Variants in TBC1D5 observed in about 807,000 individuals in gnomAD.
TBC1D5 encodes TBC1 domain family member 5, also known as TBC1 domain family, member 5.
Under a neutral mutation model 100.3 loss-of-function variants are expected in TBC1D5, and 75 were observed. The observed-to-expected ratio is 0.75, with a 90% CI of 0.62 to 0.91. The LOEUF (loss-of-function observed/expected upper bound fraction) is 0.91. Among genes scored for constraint, TBC1D5 ranks in the 40% least tolerant of loss-of-function variants. The probability of loss-of-function intolerance (pLI) is 0.00; values close to 1 mark genes in which losing one functional copy is unlikely to be tolerated. For missense variants in TBC1D5, 910 were observed against 942.4 expected, an observed-to-expected ratio of 0.97 and a Z score of 0.45; for synonymous variants, 323 against 325.6, an observed-to-expected ratio of 0.99 and a Z score of 0.09.
At position 17,268,449 on chromosome 3, in the gene TBC1D5, TAAAG is replaced by T. The variant is rs545752407; in HGVS notation, c.1246-9862_1246-9859del. On this transcript the variant is annotated intron_variant, in intron 15 of 21. Transcript: ENST00000253692. ...GCATAAAATAAAGTATATCGGGTAATAAAGAAAATAAAAAAATAGTAACAGAATA... is the reference window on the plus strand; with the variant it reads ...GCATAAAATAAAGTATATCGGGTAATAAAATAAAAAAATAGTAACAGAATA... 1.1e-4 allele frequency among the ~76,000 whole-genome samples: 16 copies of T among 151,412 alleles called. No homozygotes were observed. In the East Asian group the frequency reaches 3.1e-3, roughly 29 times the overall value.
intron 15 of TBC1D5, among the ~76,000 whole-genome samples, chr3:17,286,525 T>C (rs561654909): frequency 6.6e-6 from 1 of 152,310 alleles, no homozygotes; most frequent in South Asian, 2.1e-4. Flanking sequence ...AGTTCTAATA[T>C]GATAAAGACA....
intron 14 of TBC1D5, 85 bp from the exon 15 acceptor site, chr3:17,292,086 A>G: frequency 4.4e-6 from 5 of 1,147,676 alleles, no homozygotes; most frequent in Admixed American, 4.7e-5. Flanking sequence ...ACAACTTAAG[A>G]GTCAATGAAA....
At chr3:17,268,087 A>G (rs1490784348) in intron 15 of TBC1D5, among the ~76,000 whole-genome samples, 1 of 152,058 alleles carries the variant, frequency 6.6e-6, no homozygotes, top group Admixed American at 6.6e-5. Flanking sequence ...ATGTCAAGTT[A>G]GACCACAGAG....
chr3:17,546,783 C>CAAA (rs758349149), intron 2 of TBC1D5, among the ~76,000 whole-genome samples: 1 of 70,186 alleles, frequency 1.4e-5, no homozygotes. Flanking sequence ...GACTCCATCT[C>CAAA]AAAAAAAAAA....
chr3:17,171,932 A>C (rs1478044579), intron 19 of TBC1D5, among the ~76,000 whole-genome samples: 1 of 152,214 alleles, frequency 6.6e-6, no homozygotes, highest in Non-Finnish European at 1.5e-5. Flanking sequence ...AGCTACAGAA[A>C]GCAGTGCAGA....
intron 13 of TBC1D5, among the ~76,000 whole-genome samples, chr3:17,360,958 A>T (rs532923408): frequency 1.3e-5 from 2 of 152,156 alleles, no homozygotes; most frequent in South Asian, 4.1e-4. Flanking sequence ...AAGAAATTTC[A>T]AACTGTGGCC....
intron 13 of TBC1D5, among the ~76,000 whole-genome samples, chr3:17,332,096 T>G (rs112420823): frequency 2.0e-5 from 3 of 152,134 alleles, no homozygotes; most frequent in African/African-American, 7.2e-5. Flanking sequence ...GAGACTAGGA[T>G]GAAAACAGGA....
intron 13 of TBC1D5, among the ~76,000 whole-genome samples, chr3:17,347,387 GAC>G (rs1189738052): frequency 6.6e-6 from 1 of 152,076 alleles, no homozygotes; most frequent in African/African-American, 2.4e-5. Flanking sequence ...TGCTCCTCAT[GAC>G]ACAGTCACTT....
intron 18 of TBC1D5, among the ~76,000 whole-genome samples, chr3:17,187,049 C>G (rs950277583): frequency 9.2e-5 from 14 of 152,040 alleles, no homozygotes; most frequent in Non-Finnish European, 2.9e-5. Flanking sequence ...TGTTTCTGAA[C>G]AGGCTTGAAT....
At chr3:17,503,306 A>T (rs905712789) in intron 3 of TBC1D5, among the ~76,000 whole-genome samples, 4 of 149,402 alleles carry the variant, frequency 2.7e-5, no homozygotes, top group Non-Finnish European at 5.9e-5. Flanking sequence ...TAGACATCAC[A>T]CCTTCCTTGA....
At chr3:17,546,918 T>C (rs1009425186) in intron 2 of TBC1D5, 1 of 152,230 alleles carries the variant, frequency 6.6e-6, no homozygotes, top group African/African-American at 2.4e-5. Flanking sequence ...TTGGCTACTT[T>C]ATACATAACA....
At chr3:17,505,070 A>C (rs745679744) in intron 3 of TBC1D5, among the ~76,000 whole-genome samples, 34 of 152,352 alleles carry the variant, frequency 2.2e-4, no homozygotes, top group Non-Finnish European at 4.4e-4. Flanking sequence ...TTAAGTTGCC[A>C]AATATTTTAT....
intron 1 of TBC1D5, among the ~76,000 whole-genome samples, chr3:17,639,883 G>C (rs2064329120): frequency 6.6e-6 from 1 of 152,062 alleles, no homozygotes; most frequent in Admixed American, 6.6e-5. Flanking sequence ...CCTAAAGATG[G>C]GAAAATTATG....
At chr3:17,534,186 T>C (rs900484654) in intron 2 of TBC1D5, among the ~76,000 whole-genome samples, 2 of 152,172 alleles carry the variant, frequency 1.3e-5, no homozygotes, top group Admixed American at 6.5e-5. Context: ...CACTTTCATT[T>C]AGGAATTTTC....
intron 8 of TBC1D5, among the ~76,000 whole-genome samples, chr3:17,391,006 A>C (rs4684313): frequency 6.6e-6 from 1 of 151,980 alleles, no homozygotes; most frequent in Admixed American, 6.6e-5. Context: ...GGAATGAGAG[A>C]GGAAATTATG....
At chr3:17,443,447 A>G (rs1333812962) in intron 3 of TBC1D5, among the ~76,000 whole-genome samples, 1 of 152,214 alleles carries the variant, frequency 6.6e-6, no homozygotes, top group Non-Finnish European at 1.5e-5. Context: ...ATTTCTATCA[A>G]CCAATGAGAA....
At chr3:17,667,793 A>C (rs2067444444) in intron 1 of TBC1D5, among the ~76,000 whole-genome samples, 1 of 152,074 alleles carries the variant, frequency 6.6e-6, no homozygotes, top group Non-Finnish European at 1.5e-5. Flanking sequence ...TAAGTTTATA[A>C]CAAGTATTAA....
At chr3:17,190,738 G>A (rs1417426655) in intron 18 of TBC1D5, among the ~76,000 whole-genome samples, 4 of 152,212 alleles carry the variant, frequency 2.6e-5, no homozygotes, top group Non-Finnish European at 5.9e-5. Flanking sequence ...GAATAGTGAG[G>A]CAGGAATGGC....
intron 16 of TBC1D5, among the ~76,000 whole-genome samples, chr3:17,240,376 G>A (rs2076207713): frequency 1.3e-5 from 2 of 152,126 alleles, no homozygotes; most frequent in Non-Finnish European, 2.9e-5. Context: ...AAAGAACTGA[G>A]CTATGTAAAT....
Sources: allele counts gnomAD v4.1 joint callset (sites outside exome capture counted in the v4.1 genomes callset), GRCh38; gene constraint gnomAD v4.1.1; transcripts MANE v1.5; gene names NCBI Gene and HGNC (gene_info 2026-07-23, HGNC 2026-07-21).